CALN1: variants seen among roughly 807,000 people sequenced by gnomAD.
The protein encoded by CALN1 is calneuron 1, also known as calcium-binding protein 8.
Under a neutral mutation model 30.6 loss-of-function variants are expected in CALN1, and 17 were observed. The observed-to-expected ratio is 0.56, with a 90% CI of 0.38 to 0.83. CALN1 has a LOEUF of 0.83. Among genes scored for constraint, CALN1 ranks in the 40% least tolerant of loss-of-function variants. The pLI is 0.00. For synonymous variants in CALN1, 156 were observed against 131.4 expected (o/e 1.19, Z -1.28); for missense variants, 291 against 354.9 (o/e 0.82, Z 1.45).
intron 3 of CALN1, among the ~76,000 whole-genome samples, chr7:72,187,320 T>C (rs1355740238): frequency 6.6e-6 from 1 of 152,106 alleles, no homozygotes; most frequent in Non-Finnish European, 1.5e-5. Context: ...TTCTTGTCCA[T>C]AGAGATGCAG....
At chr7:72,371,798 GAATCAATTCAGT>G (rs1234988268) in intron 2 of CALN1, among the ~76,000 whole-genome samples, 1 of 152,178 alleles carries the variant, frequency 6.6e-6, no homozygotes, top group Non-Finnish European at 1.5e-5. Flanking sequence ...CTTAGTCCAG[GAATCAATTCAGT>G]AGTCTTCCAT....
intron 2 of CALN1, among the ~76,000 whole-genome samples, chr7:72,313,602 C>G (rs530979240): frequency 6.6e-6 from 1 of 152,136 alleles, no homozygotes; most frequent in East Asian, 1.9e-4. Context: ...ACTGTGTTGC[C>G]CAGGCTGGTG....
chr7:72,197,990 T>C (rs998828731), intron 3 of CALN1, among the ~76,000 whole-genome samples: 2 of 151,898 alleles, frequency 1.3e-5, no homozygotes, highest in Non-Finnish European at 2.9e-5. Flanking sequence ...TTTGTAAAAC[T>C]GCAGAACTCC....
At chr7:72,111,676 A>G (rs1807585817) in intron 3 of CALN1, among the ~76,000 whole-genome samples, 1 of 151,954 alleles carries the variant, frequency 6.6e-6, no homozygotes, top group African/African-American at 2.4e-5. Context: ...TCAAACACCC[A>G]GCCTCAAGCA....
chr7:72,159,430 G>A (rs533487022), intron 3 of CALN1, among the ~76,000 whole-genome samples: 5 of 152,140 alleles, frequency 3.3e-5, no homozygotes, highest in African/African-American at 1.2e-4. Flanking sequence ...AACCCAGAAG[G>A]CTGAGGCTGC....
At chr7:71,828,441 GA>G (rs1789059283) in intron 5 of CALN1, among the ~76,000 whole-genome samples, 1 of 152,032 alleles carries the variant, frequency 6.6e-6, no homozygotes, top group African/African-American at 2.4e-5. Flanking sequence ...TAGACCCTGT[GA>G]AAGGAAAATA....
chr7:72,503,800 C>G, the CALN1 span, among the ~76,000 whole-genome samples: 1 of 150,930 alleles, frequency 6.6e-6, no homozygotes, highest in Non-Finnish European at 1.5e-5. Context: ...TGTTTGCTAC[C>G]GAGATCTCTG....
chr7:72,221,281 C>G (rs1376321532), intron 3 of CALN1, among the ~76,000 whole-genome samples: 1 of 151,338 alleles, frequency 6.6e-6, no homozygotes, highest in Non-Finnish European at 1.5e-5. Flanking sequence ...ACGCGATGCC[C>G]CAGTGTTTTC....
chr7:72,348,627 A>G (rs1802767778), intron 2 of CALN1, among the ~76,000 whole-genome samples: 1 of 152,286 alleles, frequency 6.6e-6, no homozygotes, highest in Admixed American at 6.5e-5. Context: ...ACTGGAAAAT[A>G]GGCAAGTTCT....
chr7:72,014,626 T>A (rs12674035), intron 5 of CALN1, among the ~76,000 whole-genome samples: 21,806 of 152,220 alleles, frequency 0.14, 2,468 homozygotes, highest in East Asian at 0.34. Flanking sequence ...TGTTTTATTC[T>A]ACAAATTGCC....
chr7:71,888,296 G>C (rs543442906), intron 5 of CALN1, among the ~76,000 whole-genome samples: 1 of 151,824 alleles, frequency 6.6e-6, no homozygotes, highest in African/African-American at 2.4e-5. Context: ...GTTTATTTTG[G>C]GGGGAGATGA....
chr7:72,031,989 C>T (rs1170953495), intron 4 of CALN1, among the ~76,000 whole-genome samples: 1 of 150,964 alleles, frequency 6.6e-6, no homozygotes, highest in Non-Finnish European at 1.5e-5. Flanking sequence ...GTGATCCGTC[C>T]GCCCTCCTCC....
At chr7:71,952,024 G>A (rs1008859940) in intron 5 of CALN1, among the ~76,000 whole-genome samples, 13 of 152,100 alleles carry the variant, frequency 8.5e-5, no homozygotes, top group African/African-American at 2.4e-4. Context: ...ATGGTGGAGG[G>A]AGAACCAGGC....
intron 5 of CALN1, among the ~76,000 whole-genome samples, chr7:71,947,286 C>T (rs1796454694): frequency 6.6e-6 from 1 of 152,180 alleles, no homozygotes; most frequent in African/African-American, 2.4e-5. Context: ...GCCGAGATTA[C>T]AGGCTTGAGC....
intron 3 of CALN1, among the ~76,000 whole-genome samples, chr7:72,266,585 A>G (rs1006010316): frequency 2.0e-5 from 3 of 151,978 alleles, no homozygotes; most frequent in Non-Finnish European, 4.4e-5. Context: ...TTCTATTTCT[A>G]TTCTGACAGC....
intron 5 of CALN1, among the ~76,000 whole-genome samples, chr7:71,889,838 C>T (rs1161641352): frequency 6.6e-6 from 1 of 152,014 alleles, no homozygotes; most frequent in African/African-American, 2.4e-5. Flanking sequence ...GCCTGTAATC[C>T]TAGCTCTGTA....
intron 3 of CALN1, among the ~76,000 whole-genome samples, chr7:72,274,774 G>C (rs1208915399): frequency 6.6e-6 from 1 of 152,078 alleles, no homozygotes; most frequent in East Asian, 1.9e-4. Flanking sequence ...TCCGTTTAAT[G>C]AATGAATAAA....
At chr7:71,997,851 G>A (rs890317143) in intron 5 of CALN1, among the ~76,000 whole-genome samples, 7 of 151,884 alleles carry the variant, frequency 4.6e-5, no homozygotes, top group South Asian at 2.1e-4. Context: ...ATGGAGTTTC[G>A]CTCTTGTCCC....
chr7:72,239,515 C>T (rs1045938546), intron 3 of CALN1, among the ~76,000 whole-genome samples: 1 of 152,200 alleles, frequency 6.6e-6, no homozygotes, highest in African/African-American at 2.4e-5. Flanking sequence ...GCACATCTGA[C>T]ACAGCATAAA....
Sources: gnomAD v4.1 joint callset for allele counts (sites outside exome capture counted in the v4.1 genomes callset) on GRCh38, gnomAD v4.1.1 for gene constraint, MANE v1.5 for transcripts, NCBI Gene and HGNC (gene_info 2026-07-23, HGNC 2026-07-21) for gene names.